The following ROCK1 variants were observed in gnomAD, a reference collection of about 807,000 sequenced individuals.
ROCK1 encodes the protein rho-associated protein kinase 1.
Under a neutral mutation model 196.8 loss-of-function variants are expected in ROCK1, and 36 were observed. The ratio of observed to expected loss-of-function variants is 0.18; its 90% CI spans 0.14 to 0.24. ROCK1 has a LOEUF of 0.24. Ranked by LOEUF, ROCK1 falls within the 10% of genes least tolerant of loss-of-function variation. The pLI, the probability that ROCK1 is intolerant of heterozygous loss-of-function variation, is 1.00. For synonymous variants in ROCK1, 443 were observed against 515.9 expected (o/e 0.86, Z 1.91); for missense variants, 920 against 1,562.0 (o/e 0.59, Z 6.93).
intron 16 of ROCK1, among the ~76,000 whole-genome samples, chr18:21,004,661 T>G (rs1363896020): frequency 6.6e-6 from 1 of 152,168 alleles, no homozygotes; most frequent in Non-Finnish European, 1.5e-5. Flanking sequence ...CACAAACTTA[T>G]AAGAATTTTA....
intron 1 of ROCK1, among the ~76,000 whole-genome samples, chr18:21,099,510 G>A (rs944734109): frequency 2.0e-5 from 3 of 152,184 alleles, no homozygotes; most frequent in African/African-American, 7.2e-5. Context: ...TTGGGGGGTT[G>A]TGGTGGGAGG....
Position 21,042,650 on chromosome 18 carries a change from T to C in ROCK1, c.735A>G (p.Val245=), listed in dbSNP as rs1291076345. The C allele has an allele frequency of 1.9e-6, 3 of 1,614,020 alleles. No homozygotes were observed. Among genetic ancestry groups the C allele is most frequent in the East Asian group, 2.2e-5 (1 of 44,854 alleles). Residue 245 remains valine, a synonymous_variant, in exon 7 of 33, where the codon GTA becomes GTG. Transcript: ENST00000399799. ...VGTPDYISPE[V]LKSQGGDGYY... ...AACCATCACCACCTTGGGATTTTAATACTTCAGGGGAAATATAATCAGGTG... is the reference window on the plus strand; with the variant it reads ...AACCATCACCACCTTGGGATTTTAACACTTCAGGGGAAATATAATCAGGTG...
intron 21 of ROCK1, among the ~76,000 whole-genome samples, chr18:20,982,185 A>G (rs944624569): frequency 2.6e-5 from 4 of 152,260 alleles, no homozygotes; most frequent in African/African-American, 9.6e-5. Flanking sequence ...ACTTTGCAGA[A>G]GTTAGCAGTA....
chr18:21,097,810 T>C (rs2036624566), intron 1 of ROCK1, among the ~76,000 whole-genome samples: 1 of 152,232 alleles, frequency 6.6e-6, no homozygotes, highest in Non-Finnish European at 1.5e-5. Flanking sequence ...TTAATCTTAT[T>C]TGAAGGTGAT....
chr18:21,071,990 A>G (rs891406533), intron 1 of ROCK1, among the ~76,000 whole-genome samples: 2 of 152,200 alleles, frequency 1.3e-5, no homozygotes, highest in Non-Finnish European at 2.9e-5. Context: ...TGACATTTGA[A>G]AGCTCTGAAT....
At chr18:21,092,746 G>C (rs75257315) in intron 1 of ROCK1, among the ~76,000 whole-genome samples, 1 of 152,004 alleles carries the variant, frequency 6.6e-6, no homozygotes, top group South Asian at 2.1e-4. Flanking sequence ...TCATATGGTG[G>C]AGCTGTGATG....
intron 27 of ROCK1, chr18:20,960,551 A>AT (rs2035317450): frequency 5.8e-6 from 1 of 173,524 alleles, no homozygotes; most frequent in South Asian, 1.7e-4. Context: ...TCATATAAAA[A>AT]TAATCAGCAA....
intron 32 of ROCK1, among the ~76,000 whole-genome samples, chr18:20,951,854 G>C (rs2035190968): frequency 6.6e-6 from 1 of 152,202 alleles, no homozygotes; most frequent in Non-Finnish European, 1.5e-5. Context: ...ATCAGTGTTA[G>C]GTCTCAGCTT....
At chr18:21,043,777 C>T (rs1243433732) in intron 6 of ROCK1, among the ~76,000 whole-genome samples, 1 of 151,862 alleles carries the variant, frequency 6.6e-6, no homozygotes, top group African/African-American at 2.4e-5. Context: ...CTAATTTTAA[C>T]ACTGGCATAA....
At chr18:21,102,082 C>G (rs1388426135) in intron 1 of ROCK1, among the ~76,000 whole-genome samples, 1 of 152,000 alleles carries the variant, frequency 6.6e-6, no homozygotes, top group Non-Finnish European at 1.5e-5. Flanking sequence ...ATAAAATTAC[C>G]AAACAGAATG....
intron 2 of ROCK1, among the ~76,000 whole-genome samples, chr18:21,056,561 G>A (rs1252793375): frequency 2.6e-5 from 4 of 152,062 alleles, no homozygotes; most frequent in African/African-American, 9.7e-5. Context: ...TCTCTTCCTT[G>A]GATTACTGTG....
chr18:20,968,733 C>T (rs902763518), intron 25 of ROCK1, 39 bp downstream of exon 25: 79 of 1,238,370 alleles, frequency 6.4e-5, no homozygotes, highest in Non-Finnish European at 7.0e-5. Context: ...ATGATTAACT[C>T]AAAAATGAAC....
At chr18:21,086,755 T>A (rs1479556991) in intron 1 of ROCK1, among the ~76,000 whole-genome samples, 8 of 138,076 alleles carry the variant, frequency 5.8e-5, no homozygotes, top group African/African-American at 1.1e-4. Flanking sequence ...AAATTCTACA[T>A]CCACTGAAAA....
Position 20,955,057 on chromosome 18 carries a change from A to G in ROCK1, c.3592-13T>C. The G allele has an allele frequency of 6.4e-7, 1 of 1,562,770 alleles. No individual in the cohort carries two copies. Among genetic ancestry groups the G allele is most frequent in the Non-Finnish European group, 8.6e-7 (1 of 1,158,836 alleles). Reference sequence around the variant, plus strand: ...TTGCATATAGTATCTACATTCAGGAATGGTGAAAGGAAAAGATTTTAAAAA... The same window carrying G: ...TTGCATATAGTATCTACATTCAGGAGTGGTGAAAGGAAAAGATTTTAAAAA... On this transcript the variant is annotated splice_polypyrimidine_tract_variant and intron_variant, in intron 30 of 32. Coordinates refer to ENST00000399799, the MANE Select transcript of ROCK1 (RefSeq NM_005406.3).
intron 13 of ROCK1, among the ~76,000 whole-genome samples, chr18:21,014,268 T>C (rs1029129360): frequency 3.3e-5 from 5 of 152,162 alleles, no homozygotes; most frequent in Non-Finnish European, 4.4e-5. Context: ...CCGTCTAGGA[T>C]ACATGCAGCA....
Position 20,970,451 on chromosome 18 carries a change from C to T in ROCK1, c.2717G>A (p.Arg906Gln), listed in dbSNP as rs1380465528. The change falls in exon 23 of 33, where the codon CGA (arginine) becomes CAA (glutamine). Residue 906 changes from arginine to glutamine, a missense_variant. Transcript: ENST00000399799. The part of the protein sequence containing the change: ...ETKAESEQLA[R>Q]GLLEEQYFEL... ...AAAATACTGTTCTTCCAGAAGGCCT[C>T]GCGCCAACTGCTCAGACTCAGCTTT... 1.2e-6 allele frequency: 2 copies of T among 1,613,866 alleles called. No individual in the cohort carries two copies. Among genetic ancestry groups the T allele is most frequent in the Non-Finnish European group, 1.7e-6 (2 of 1,179,778 alleles).
chr18:21,092,410 T>C (rs2036578051), intron 1 of ROCK1, among the ~76,000 whole-genome samples: 1 of 151,846 alleles, frequency 6.6e-6, no homozygotes, highest in Admixed American at 6.6e-5. Flanking sequence ...CGTTAAGACT[T>C]CATCTGTACT....
intron 22 of ROCK1, among the ~76,000 whole-genome samples, chr18:20,970,800 A>G (rs2035418647): frequency 6.6e-6 from 1 of 152,210 alleles, no homozygotes; most frequent in Non-Finnish European, 1.5e-5. Context: ...AATTTCTTGC[A>G]GATTTGGAAT....
Position 21,044,203 on chromosome 18 carries a change from A to AT in ROCK1, c.591-18dup. The AT allele has an allele frequency of 1.9e-6, 3 of 1,571,592 alleles. No homozygotes were observed. Among genetic ancestry groups the AT allele is most frequent in the Non-Finnish European group, 1.7e-6 (2 of 1,147,586 alleles). ...TTCACATCTCTGCAGGAGGGAAAAA[A>AT]TAGTACAGTATTTTCTGAAACAGAT... On this transcript the variant is annotated splice_polypyrimidine_tract_variant and intron_variant, in intron 5 of 32. Coordinates refer to ENST00000399799, the MANE Select transcript of ROCK1 (RefSeq NM_005406.3).
Sources: allele counts gnomAD v4.1 joint callset (sites outside exome capture counted in the v4.1 genomes callset), GRCh38; gene constraint gnomAD v4.1.1; transcripts MANE v1.5; gene names NCBI Gene and HGNC (gene_info 2026-07-23, HGNC 2026-07-21).